The following SCIMP variants were observed in gnomAD, a reference collection of about 807,000 sequenced individuals.
The protein encoded by SCIMP is SLP adapter and CSK-interacting membrane protein.
A neutral mutation model predicts 22.0 loss-of-function variants in SCIMP; 18 were observed. The ratio of observed to expected loss-of-function variants is 0.82; its 90% CI spans 0.56 to 1.21. SCIMP has a LOEUF of 1.21. Ranked by LOEUF, SCIMP falls within the 50% of genes most tolerant of loss-of-function variation. SCIMP has a pLI of 0.00. For synonymous variants in SCIMP, 53 were observed against 62.2 expected (o/e 0.85, Z 0.70); for missense variants, 155 against 171.2 (o/e 0.91, Z 0.53).
Position 5,215,008 on chromosome 17 carries a change from G to C in SCIMP, c.210-10C>G, listed in dbSNP as rs1291878844. 28 of 1,571,970 alleles carry C rather than the reference G, an allele frequency of 1.8e-5. No homozygotes were observed. Among genetic ancestry groups the C allele is most frequent in the Non-Finnish European group, 2.2e-5 (25 of 1,142,136 alleles). ...CTCATTAAGAACATTCCTAGAGAGA[G>C]AGAAAGAGAGAGAATCAGTGTTTGG... On this transcript the variant is annotated splice_polypyrimidine_tract_variant and intron_variant, in intron 3 of 4. Coordinates refer to ENST00000574081, the MANE Select transcript of SCIMP (RefSeq NM_207103.3).
At chr17:5,233,512 A>G (rs1166893149) in intron 1 of SCIMP, among the ~76,000 whole-genome samples, 8 of 152,106 alleles carry the variant, frequency 5.3e-5, no homozygotes, top group Admixed American at 4.6e-4. Context: ...AGCTGGGGCT[A>G]TAGGCGCCCA....
intron 4 of SCIMP, 43 bp from the exon 5 acceptor site, chr17:5,210,998 G>A (rs887867043): frequency 8.3e-6 from 13 of 1,566,216 alleles, no homozygotes; most frequent in Non-Finnish European, 9.5e-6. Flanking sequence ...GCTGTCATGT[G>A]TTTTTATATT....
intron 2 of SCIMP, 146 bp from the exon 3 acceptor site, chr17:5,221,496 T>G: frequency 1.5e-6 from 1 of 663,788 alleles, no homozygotes. Context: ...ACAGAGCCTC[T>G]GCACTAACCC....
chr17:5,223,092 A>G (rs2074620403), intron 2 of SCIMP, among the ~76,000 whole-genome samples: 1 of 152,192 alleles, frequency 6.6e-6, no homozygotes. Flanking sequence ...CCAGATGATT[A>G]GGGCTGGAAG....
Position 5,210,969 on chromosome 17 carries a change from A to C in SCIMP, c.284-14T>G. On this transcript the variant is annotated splice_polypyrimidine_tract_variant and intron_variant, in intron 4 of 4. Transcript: ENST00000574081. ...CTTCCTGTGGGGCTAGAATACACAA[A>C]AAGCTCCTTAGATGCAAAGCTGTCA... 6.3e-7 allele frequency: 1 copy of C among 1,592,832 alleles called. No individual in the cohort carries two copies. The highest frequency in any genetic ancestry group is 8.5e-7 in the Non-Finnish European group (1 of 1,174,316).
At chr17:5,229,014 G>A (rs568434603) in intron 1 of SCIMP, among the ~76,000 whole-genome samples, 5 of 152,228 alleles carry the variant, frequency 3.3e-5, no homozygotes, top group African/African-American at 4.8e-5. Flanking sequence ...ATCTGGACAC[G>A]CGACCCTGGG....
At chr17:5,217,016 A>C (rs2074570071) in intron 3 of SCIMP, among the ~76,000 whole-genome samples, 1 of 152,164 alleles carries the variant, frequency 6.6e-6, no homozygotes, top group African/African-American at 2.4e-5. Context: ...AGAATGAATA[A>C]ACATTTTTAG....
intron 4 of SCIMP, 45 bp downstream of exon 4, chr17:5,214,880 G>C (rs779663302): frequency 6.9e-6 from 5 of 726,858 alleles, no homozygotes; most frequent in African/African-American, 5.6e-5. Flanking sequence ...TGATAAACTC[G>C]TTATCTTACC....
At chr17:5,228,830 A>T (rs2074671998) in intron 1 of SCIMP, among the ~76,000 whole-genome samples, 1 of 152,168 alleles carries the variant, frequency 6.6e-6, no homozygotes, top group Non-Finnish European at 1.5e-5. Flanking sequence ...AGCGCCTAGA[A>T]CATCACCTGG....
chr17:5,209,675 C>G lies in SCIMP; in HGVS notation c.*1126G>C, dbSNP rs1048016890. 2.1e-4 allele frequency: 32 copies of G among 152,152 alleles called. No homozygotes were observed. Among genetic ancestry groups the G allele is most frequent in the African/African-American group, 7.5e-4 (31 of 41,434 alleles). The allele number at this position is 152,152 out of a possible 1,614,324, so 9.4% of individuals were successfully genotyped here. On this transcript the variant is annotated 3_prime_UTR_variant, in exon 5 of 5. Transcript: ENST00000574081. Reference sequence around the variant, plus strand: ...TTAGAATGAGTCAAGTCCTAGGGCTCTGGCGATCAGCTAGAAGGAATTGAT... The same window carrying G: ...TTAGAATGAGTCAAGTCCTAGGGCTGTGGCGATCAGCTAGAAGGAATTGAT...
chr17:5,229,863 TTCTCCTCTCTGCTCC>T (rs2074680683), intron 1 of SCIMP, among the ~76,000 whole-genome samples: 2 of 135,882 alleles, frequency 1.5e-5, no homozygotes, highest in Admixed American at 1.5e-4. Context: ...CTCTTCTCCT[TTCTCCTCTCTGCTCC>T]TCTCCTCTCC....
rs950759076 is a variant in SCIMP, at chr17:5,209,261, A to G, written c.*1540T>C. ...GCGATTCTTCTGCCTCAGCCTCCCA[A>G]GTAGCTGGGATTACAGGCATGCGCG... On this transcript the variant is annotated 3_prime_UTR_variant, in exon 5 of 5. Transcript: ENST00000574081. 18 of 152,194 alleles carry G rather than the reference A, an allele frequency of 1.2e-4. No individual in the cohort carries two copies. The highest frequency in any genetic ancestry group is 4.3e-4 in the African/African-American group (18 of 41,400). The allele number at this position is 152,194 out of a possible 1,614,324, so 9.4% of individuals were successfully genotyped here.
chr17:5,220,417 G>A (rs1268615453), intron 3 of SCIMP, among the ~76,000 whole-genome samples: 1 of 122,920 alleles, frequency 8.1e-6, no homozygotes, highest in Non-Finnish European at 1.6e-5. Flanking sequence ...GGGCAACATA[G>A]CAAGACCCCA....
Position 5,222,097 on chromosome 17 carries a change from T to G in SCIMP, c.146-747A>C, listed in dbSNP as rs531901908. ...CCTGGCAGGAATGAAAACTTGTTTTTTTTTTTTTTTAAGATGGAGTCTCAC... is the reference window on the plus strand; with the variant it reads ...CCTGGCAGGAATGAAAACTTGTTTTGTTTTTTTTTTAAGATGGAGTCTCAC... On this transcript the variant is annotated intron_variant, in intron 2 of 4. Transcript: ENST00000574081. Among the ~76,000 whole-genome samples the G allele has an allele frequency of 1.6e-4, 24 of 149,434 alleles. No homozygotes were observed. The South Asian group carries it at 1.7e-3, about 11-fold the overall frequency.
chr17:5,210,646 C>T lies in SCIMP; in HGVS notation c.*155G>A, dbSNP rs1057235. ...CATCCGATCGCAGGGGTGTCTTCAT[C>T]TAAGGTTTGGGAAGTGCTTTATCTT... On this transcript the variant is annotated 3_prime_UTR_variant, in exon 5 of 5. Coordinates refer to ENST00000574081, the MANE Select transcript of SCIMP (RefSeq NM_207103.3). 1,221 of 984,320 alleles carry T rather than the reference C, an allele frequency of 1.2e-3. 16 individuals are homozygous for T. The African/African-American group carries it at 0.018, about 15-fold the overall frequency. The allele number at this position is 984,320 out of a possible 1,614,324, so 61.0% of individuals were successfully genotyped here. A position where few individuals can be genotyped will look rare whatever the true frequency, so the allele number is the denominator to read the frequency against.
chr17:5,226,063 A>C (rs2074646180), intron 1 of SCIMP, among the ~76,000 whole-genome samples: 1 of 152,176 alleles, frequency 6.6e-6, no homozygotes, highest in Non-Finnish European at 1.5e-5. Flanking sequence ...GAACAGAGGA[A>C]AAACACCGCT....
intron 1 of SCIMP, among the ~76,000 whole-genome samples, chr17:5,229,457 G>A (rs1478851149): frequency 2.2e-5 from 3 of 135,712 alleles, no homozygotes; most frequent in South Asian, 2.4e-4. Flanking sequence ...GCAGTGGCGC[G>A]ACCTTGGCTC....
chr17:5,231,436 A>G (rs372253045), intron 1 of SCIMP, among the ~76,000 whole-genome samples: 1 of 152,072 alleles, frequency 6.6e-6, no homozygotes, highest in South Asian at 2.1e-4. Flanking sequence ...CAAGCCACTT[A>G]TGACCATCAA....
chr17:5,217,690 G>T (rs1248197565), intron 3 of SCIMP, among the ~76,000 whole-genome samples: 1 of 150,734 alleles, frequency 6.6e-6, no homozygotes, highest in Non-Finnish European at 1.5e-5. Context: ...GCGATAGTTT[G>T]CTGAGAATGA....
Sources: gnomAD v4.1 joint callset for allele counts (sites outside exome capture counted in the v4.1 genomes callset) on GRCh38, gnomAD v4.1.1 for gene constraint, MANE v1.5 for transcripts, NCBI Gene and HGNC (gene_info 2026-07-23, HGNC 2026-07-21) for gene names.